PRIM2: variants seen among roughly 807,000 people sequenced by gnomAD.
The protein encoded by PRIM2 is DNA primase subunit 2.
A neutral mutation model predicts 67.3 loss-of-function variants in PRIM2; 39 were observed. The ratio of observed to expected loss-of-function variants is 0.58; its 90% CI spans 0.45 to 0.76. The LOEUF (loss-of-function observed/expected upper bound fraction) is 0.76. Among genes scored for constraint, PRIM2 ranks in the 30% least tolerant of loss-of-function variants. The probability of loss-of-function intolerance (pLI) is 0.00; values close to 1 mark genes in which losing one functional copy is unlikely to be tolerated. For synonymous variants in PRIM2, 143 were observed against 198.7 expected, an observed-to-expected ratio of 0.72 and a Z score of 2.36; for missense variants, 398 against 598.7, an observed-to-expected ratio of 0.66 and a Z score of 3.50.
At chr6:57,488,890 C>G (rs2127408801) in intron 7 of PRIM2, among the ~76,000 whole-genome samples, 1 of 152,254 alleles carries the variant, frequency 6.6e-6, no homozygotes, top group East Asian at 1.9e-4. Context: ...CTCTCCTTGC[C>G]AGATATAGCA....
At chr6:57,451,107 TATAAC>T in intron 7 of PRIM2, among the ~76,000 whole-genome samples, 1 of 152,292 alleles carries the variant, frequency 6.6e-6, no homozygotes, top group East Asian at 1.9e-4. Context: ...AATGTTACCT[TATAAC>T]TAAATGTGAT....
intron 5 of PRIM2, among the ~76,000 whole-genome samples, chr6:57,340,319 C>CT (rs941799298): frequency 6.6e-6 from 1 of 152,150 alleles, no homozygotes; most frequent in African/African-American, 2.4e-5. Context: ...GGATCTAGAA[C>CT]TAGAAGTACC....
At chr6:57,637,309 G>A (rs1201201088) in intron 13 of PRIM2, among the ~76,000 whole-genome samples, 7 of 152,162 alleles carry the variant, frequency 4.6e-5, no homozygotes, top group Admixed American at 2.6e-4. Context: ...AGAAACCAGC[G>A]CAAAAAGGCT....
chr6:57,530,899 T>C (rs2127467855), intron 8 of PRIM2, among the ~76,000 whole-genome samples: 1 of 152,098 alleles, frequency 6.6e-6, no homozygotes, highest in East Asian at 1.9e-4. Flanking sequence ...GACAAGGTTT[T>C]GTCATGTTGC....
At chr6:57,352,801 A>G (rs971372724) in intron 5 of PRIM2, among the ~76,000 whole-genome samples, 2 of 151,948 alleles carry the variant, frequency 1.3e-5, no homozygotes, top group African/African-American at 4.8e-5. Flanking sequence ...ACTGTACTAT[A>G]ATATATATAC....
chr6:57,472,391 G>GT (rs1773358218), intron 7 of PRIM2, among the ~76,000 whole-genome samples: 1 of 125,262 alleles, frequency 8.0e-6, no homozygotes, highest in Non-Finnish European at 1.7e-5. Flanking sequence ...GATTGCGTGT[G>GT]TCAAAAAAAA....
chr6:57,242,237 C>T, the PRIM2 span, among the ~76,000 whole-genome samples: 1 of 151,964 alleles, frequency 6.6e-6, no homozygotes, highest in African/African-American at 2.4e-5. Context: ...AATAAAAATA[C>T]CTAAAAACTT....
chr6:57,578,705 C>T (rs1167903162), intron 10 of PRIM2, among the ~76,000 whole-genome samples: 5 of 138,660 alleles, frequency 3.6e-5, no homozygotes, highest in Admixed American at 7.7e-5. Context: ...GAGACGGAGT[C>T]TCGCTCTGTC....
rs1168503553 is a variant in PRIM2, at chr6:57,532,502, T to G, written c.834+19T>G. 222 of 1,282,846 alleles carry G rather than the reference T, an allele frequency of 1.7e-4. No homozygotes were observed. The African/African-American group carries it at 3.1e-3, about 18-fold the overall frequency. The allele number at this position is 1,282,846 out of a possible 1,614,324, so 79.5% of individuals were successfully genotyped here. A position where few individuals can be genotyped will look rare whatever the true frequency, so the allele number is the denominator to read the frequency against. Reference sequence around the variant, plus strand: ...TGATTTGGTAAGTAGAACATTATTTTAAACTTAGAACTTTATCAATGGAGG... The same window carrying G: ...TGATTTGGTAAGTAGAACATTATTTGAAACTTAGAACTTTATCAATGGAGG... On this transcript the variant is annotated intron_variant, in intron 9 of 13. Coordinates refer to ENST00000615550, the MANE Select transcript of PRIM2 (RefSeq NM_000947.5).
intron 7 of PRIM2, among the ~76,000 whole-genome samples, chr6:57,427,765 C>T (rs1199914775): frequency 8.6e-5 from 13 of 151,982 alleles, no homozygotes; most frequent in Non-Finnish European, 1.5e-4. Flanking sequence ...AATTAAGGGA[C>T]CTGTCAGGAA....
chr6:57,355,301 C>CAA (rs66639419), intron 5 of PRIM2, among the ~76,000 whole-genome samples: 36 of 63,604 alleles, frequency 5.7e-4, no homozygotes, highest in African/African-American at 1.7e-3. Flanking sequence ...GACTCTGTCT[C>CAA]AAAAAAAAAA....
chr6:57,269,652 A>T, the PRIM2 span, among the ~76,000 whole-genome samples: 4 of 151,980 alleles, frequency 2.6e-5, no homozygotes, highest in Non-Finnish European at 5.9e-5. Flanking sequence ...CCATTTGTCA[A>T]TTTTGGCTTT....
intron 7 of PRIM2, among the ~76,000 whole-genome samples, chr6:57,384,094 G>A (rs1040225935): frequency 2.0e-5 from 3 of 152,190 alleles, no homozygotes; most frequent in Non-Finnish European, 4.4e-5. Flanking sequence ...TTACCCTTAT[G>A]TGTATGCCTT....
At chr6:57,627,545 C>T (rs1245369557) in intron 12 of PRIM2, among the ~76,000 whole-genome samples, 266 of 151,678 alleles carry the variant, frequency 1.8e-3, no homozygotes, top group Admixed American at 3.7e-3. Flanking sequence ...CGCACCACCA[C>T]ACCCAGCTAA....
At chr6:57,436,575 T>C (rs775848496) in intron 7 of PRIM2, among the ~76,000 whole-genome samples, 2 of 152,226 alleles carry the variant, frequency 1.3e-5, no homozygotes, top group Non-Finnish European at 2.9e-5. Flanking sequence ...AGTTGGATGC[T>C]GCTTACCTAG....
chr6:57,241,877 T>A, the PRIM2 span, among the ~76,000 whole-genome samples: 4 of 152,084 alleles, frequency 2.6e-5, no homozygotes, highest in Non-Finnish European at 2.9e-5. Context: ...TTTCACCATG[T>A]TAGCCAGGAT....
In PRIM2 at chr6:57,454,421, C is replaced by CT. The variant is rs1224452999; in HGVS notation, c.694-52958dup. The stretch of plus-strand genomic sequence containing the variant: ...GGCTGTGAATCCATCTGGTCCTGGA[C>CT]TTTTTTTTGCTTGGTAAGGTATTAA... On this transcript the variant is annotated intron_variant, in intron 7 of 13. Transcript: ENST00000615550. Among the ~76,000 whole-genome samples, 107 of 151,916 alleles carry CT rather than the reference C, an allele frequency of 7.0e-4. 2 individuals are homozygous for CT. The East Asian group carries it at 0.018, about 25-fold the overall frequency.
the PRIM2 span, among the ~76,000 whole-genome samples, chr6:57,238,770 C>T: frequency 6.6e-6 from 1 of 152,040 alleles, no homozygotes; most frequent in Admixed American, 6.6e-5. Context: ...TCAATGAATC[C>T]AGGAGCTGGT....
At chr6:57,507,274 T>C (rs1157797449) in intron 7 of PRIM2, 113 bp from the exon 8 acceptor site, 1 of 788,526 alleles carries the variant, frequency 1.3e-6, no homozygotes, top group East Asian at 2.7e-5. Flanking sequence ...TAGAACCTTA[T>C]ATTTTTAAGT....
Sources: allele counts gnomAD v4.1 joint callset (sites outside exome capture counted in the v4.1 genomes callset), GRCh38; gene constraint gnomAD v4.1.1; transcripts MANE v1.5; gene names NCBI Gene and HGNC (gene_info 2026-07-23, HGNC 2026-07-21).